CDH12: variants seen among roughly 807,000 people sequenced by gnomAD.
CDH12 encodes cadherin 12.
CDH12 carries 41 observed loss-of-function variants against 74.1 expected under a neutral mutation model. The observed-to-expected ratio is 0.55, with a 90% confidence interval of 0.43 to 0.72. CDH12 has a LOEUF of 0.72. CDH12 is among the 30% of genes least tolerant of loss of function. The probability of loss-of-function intolerance (pLI) is 0.00; values close to 1 mark genes in which losing one functional copy is unlikely to be tolerated. For missense variants in CDH12, 945 were observed against 977.2 expected, an observed-to-expected ratio of 0.97 and a Z score of 0.44; for synonymous variants, 399 against 355.0, an observed-to-expected ratio of 1.12 and a Z score of -1.39.
chr5:22,700,421 T>A (rs1009546681), intron 1 of CDH12, among the ~76,000 whole-genome samples: 1 of 152,210 alleles, frequency 6.6e-6, no homozygotes, highest in Non-Finnish European at 1.5e-5. Context: ...AAGGCATGGC[T>A]GCCTATAGTC....
chr5:21,791,303 A>G (rs1356072670), intron 10 of CDH12, among the ~76,000 whole-genome samples: 1 of 152,076 alleles, frequency 6.6e-6, no homozygotes, highest in Non-Finnish European at 1.5e-5. Flanking sequence ...TGAACTTGCA[A>G]TGAAACCATT....
At chr5:22,264,369 G>A (rs558186935) in intron 3 of CDH12, among the ~76,000 whole-genome samples, 1 of 152,122 alleles carries the variant, frequency 6.6e-6, no homozygotes, top group African/African-American at 2.4e-5. Flanking sequence ...TTTTTTAAAT[G>A]TTTGAATAAA....
At chr5:21,759,527 T>C (rs1277343763) in intron 13 of CDH12, among the ~76,000 whole-genome samples, 2 of 152,082 alleles carry the variant, frequency 1.3e-5, no homozygotes, top group Non-Finnish European at 2.9e-5. Context: ...TTTGCAAATA[T>C]GATTTTATTT....
intron 5 of CDH12, among the ~76,000 whole-genome samples, chr5:22,038,923 A>G (rs1370241202): frequency 6.6e-6 from 1 of 152,124 alleles, no homozygotes; most frequent in East Asian, 1.9e-4. Flanking sequence ...GGTTCATTGG[A>G]GCTGCACTGG....
At chr5:22,542,292 G>A (rs894599542) in intron 1 of CDH12, among the ~76,000 whole-genome samples, 1 of 152,072 alleles carries the variant, frequency 6.6e-6, no homozygotes, top group Non-Finnish European at 1.5e-5. Flanking sequence ...TAAAAAATTG[G>A]TCAGTAATTA....
Position 21,880,566 on chromosome 5 carries a change from T to C in CDH12, c.527-25776A>G, listed in dbSNP as rs1054601353. Among the ~76,000 whole-genome samples the C allele has an allele frequency of 4.1e-3, 58 of 14,024 alleles. 1 individual carries two copies. The highest frequency in any genetic ancestry group is 5.6e-3 in the Admixed American group (5 of 896). 9.2% of individuals were successfully genotyped at this position (14,024 alleles called of 152,430 possible). A position where few individuals can be genotyped will look rare whatever the true frequency, so the allele number is the denominator to read the frequency against. ...TCCTTCCTTCCTTCCTTCCTTCCCTTCTTTCTTTCCTTCCTTCCTTCCTTC... is the reference window on the plus strand; with the variant it reads ...TCCTTCCTTCCTTCCTTCCTTCCCTCCTTTCTTTCCTTCCTTCCTTCCTTC... On this transcript the variant is annotated intron_variant, in intron 6 of 14. Transcript: ENST00000382254.
At position 22,482,257 on chromosome 5, in the gene CDH12, A is replaced by G. The variant is rs184648914; in HGVS notation, c.-428+23013T>C. Among the ~76,000 whole-genome samples the G allele has an allele frequency of 2.6e-5, 4 of 152,294 alleles. No individual in the cohort carries two copies. The East Asian group carries it at 7.7e-4, about 29-fold the overall frequency. On this transcript the variant is annotated intron_variant, in intron 2 of 14. Transcript: ENST00000382254. Reference sequence around the variant, plus strand: ...GAACCAGGATTCTGAAGCATAATCCAGTAGACTTCCTCATATATTTTGTGA... The same window carrying G: ...GAACCAGGATTCTGAAGCATAATCCGGTAGACTTCCTCATATATTTTGTGA...
chr5:22,491,623 A>AAC (rs869186583), intron 2 of CDH12, among the ~76,000 whole-genome samples: 337 of 7,502 alleles, frequency 0.045, 4 homozygotes, highest in African/African-American at 0.087. Context: ...AAAAAAAAAC[A>AAC]AAAAAAAAAA....
chr5:21,928,173 A>G (rs965276774), intron 6 of CDH12, among the ~76,000 whole-genome samples: 2 of 152,202 alleles, frequency 1.3e-5, no homozygotes, highest in Non-Finnish European at 2.9e-5. Flanking sequence ...ATCTTTATAG[A>G]TATTGAAACC....
chr5:22,267,377 C>T (rs902326212), intron 3 of CDH12, among the ~76,000 whole-genome samples: 11 of 152,060 alleles, frequency 7.2e-5, no homozygotes, highest in Non-Finnish European at 1.0e-4. Context: ...ATAGGATAAA[C>T]ATTTATGATT....
intron 4 of CDH12, among the ~76,000 whole-genome samples, chr5:22,196,387 C>A (rs1035469778): frequency 6.6e-5 from 10 of 152,050 alleles, no homozygotes; most frequent in Non-Finnish European, 1.3e-4. Context: ...TCATGATCTG[C>A]CCACCTCGGC....
chr5:22,488,312 A>G (rs1439394856), intron 2 of CDH12, among the ~76,000 whole-genome samples: 1 of 152,232 alleles, frequency 6.6e-6, no homozygotes, highest in Non-Finnish European at 1.5e-5. Context: ...AAAATAAAAG[A>G]AATATTTTTT....
chr5:21,930,661 T>G (rs1392180038), intron 6 of CDH12, among the ~76,000 whole-genome samples: 1 of 152,218 alleles, frequency 6.6e-6, no homozygotes, highest in Non-Finnish European at 1.5e-5. Flanking sequence ...TCTTGCATGA[T>G]GCTGGAACAT....
chr5:22,676,497 TCA>T (rs1187268987), intron 1 of CDH12, among the ~76,000 whole-genome samples: 2 of 152,202 alleles, frequency 1.3e-5, no homozygotes, highest in Non-Finnish European at 2.9e-5. Context: ...CCCAGATTTG[TCA>T]CACAGAGCGT....
In CDH12 at chr5:22,323,109, A is replaced by C. The variant is rs562672847; in HGVS notation, c.-333+82148T>G. ...TTTGTAATTGATCAGCAATGGCACA[A>C]TGATTTATCATTCATGAGATGTATA... On this transcript the variant is annotated intron_variant, in intron 3 of 14. Coordinates refer to ENST00000382254, the MANE Select transcript of CDH12 (RefSeq NM_004061.5). 8.1e-4 allele frequency among the ~76,000 whole-genome samples: 123 copies of C among 152,260 alleles called. 1 individual carries two copies. The highest frequency in any genetic ancestry group is 3.4e-3 in the Admixed American group (52 of 15,284).
At chr5:21,953,314 G>A (rs540915717) in intron 6 of CDH12, among the ~76,000 whole-genome samples, 2 of 152,174 alleles carry the variant, frequency 1.3e-5, no homozygotes, top group Admixed American at 6.6e-5. Flanking sequence ...CTCCTCCCCT[G>A]ACCTACCTGC....
intron 4 of CDH12, among the ~76,000 whole-genome samples, chr5:22,194,179 T>A (rs1438046314): frequency 3.3e-5 from 5 of 152,038 alleles, no homozygotes; most frequent in African/African-American, 1.2e-4. Context: ...CAATGGTAAA[T>A]AGGGGTTAAC....
chr5:21,758,606 A>C (rs1250898688), intron 13 of CDH12, among the ~76,000 whole-genome samples: 1 of 152,198 alleles, frequency 6.6e-6, no homozygotes, highest in Non-Finnish European at 1.5e-5. Flanking sequence ...CAGACCTAAT[A>C]AAGTCAGAGA....
chr5:21,831,394 G>C (rs371045765), intron 8 of CDH12, among the ~76,000 whole-genome samples: 1 of 152,022 alleles, frequency 6.6e-6, no homozygotes, highest in African/African-American at 2.4e-5. Flanking sequence ...CTACTCATAC[G>C]GATTAAGGAA....
Sources: gnomAD v4.1 joint callset for allele counts (sites outside exome capture counted in the v4.1 genomes callset) on GRCh38, gnomAD v4.1.1 for gene constraint, MANE v1.5 for transcripts, NCBI Gene and HGNC (gene_info 2026-07-23, HGNC 2026-07-21) for gene names.